The following SNX14 variants were observed in gnomAD, a reference collection of about 807,000 sequenced individuals.
The protein encoded by SNX14 is sorting nexin 14, also known as sorting nexin-14.
SNX14 carries 93 observed loss-of-function variants against 133.8 expected under a neutral mutation model. The observed-to-expected ratio is 0.70, with a 90% confidence interval of 0.59 to 0.83. SNX14 has a LOEUF of 0.83. Ranked by LOEUF, SNX14 falls within the 40% of genes least tolerant of loss-of-function variation. SNX14 has a pLI of 0.00. For missense variants in SNX14, 945 were observed against 1,094.9 expected (o/e 0.86, Z 1.93); for synonymous variants, 368 against 365.6 (o/e 1.01, Z -0.07).
At chr6:85,508,213 T>C in intron 26 of SNX14, 154 bp from the exon 27 acceptor site, 1 of 1,321,212 alleles carries the variant, frequency 7.6e-7, no homozygotes, top group East Asian at 2.8e-5. Flanking sequence ...AAGAGGCTCC[T>C]GGATAAGAGG....
At chr6:85,534,260 G>A (rs1448977092) in intron 17 of SNX14, among the ~76,000 whole-genome samples, 1 of 152,208 alleles carries the variant, frequency 6.6e-6, no homozygotes. Context: ...GAGGTCAGGA[G>A]TTCAAGATAA....
intron 1 of SNX14, among the ~76,000 whole-genome samples, chr6:85,575,031 A>T (rs1209292303): frequency 6.6e-6 from 1 of 152,208 alleles, no homozygotes; most frequent in African/African-American, 2.4e-5. Context: ...GATAGGATAG[A>T]GGTATGGGAG....
intron 15 of SNX14, among the ~76,000 whole-genome samples, chr6:85,539,798 C>A (rs905649506): frequency 5.3e-5 from 8 of 151,868 alleles, no homozygotes; most frequent in Admixed American, 2.6e-4. Context: ...CCCATATAAC[C>A]TGTCTTTTTT....
Position 85,593,819 on chromosome 6 carries a change from C to T in SNX14, c.-101G>A. Reference sequence around the variant, plus strand: ...TCCCCGCCCCACCGACTTGGCGGCGCACACAGACGCCTACCGGCAGTTAGC... The same window carrying T: ...TCCCCGCCCCACCGACTTGGCGGCGTACACAGACGCCTACCGGCAGTTAGC... On this transcript the variant is annotated 5_prime_UTR_variant, in exon 1 of 29. Coordinates refer to ENST00000314673, the MANE Select transcript of SNX14 (RefSeq NM_153816.6). The T allele has an allele frequency of 1.3e-6, 2 of 1,565,112 alleles. No individual in the cohort carries two copies. Among genetic ancestry groups the T allele is most frequent in the African/African-American group, 1.4e-5 (1 of 72,774 alleles).
At chr6:85,512,104 G>A (rs1773050328) in intron 26 of SNX14, among the ~76,000 whole-genome samples, 1 of 152,180 alleles carries the variant, frequency 6.6e-6, no homozygotes, top group South Asian at 2.1e-4. Context: ...CTTCTTCCAT[G>A]TGGAAGGCCA....
Position 85,505,860 on chromosome 6 carries a change from G to GACAGCGA in SNX14, c.*100_*106dup, listed in dbSNP as rs1363911874. The GACAGCGA allele has an allele frequency of 4.2e-6, 3 of 714,138 alleles. No homozygotes were observed. Among genetic ancestry groups the GACAGCGA allele is most frequent in the Admixed American group, 2.8e-5 (1 of 35,896 alleles). 44.2% of individuals were successfully genotyped at this position (714,138 alleles called of 1,614,324 possible). On this transcript the variant is annotated 3_prime_UTR_variant, in exon 29 of 29. Coordinates refer to ENST00000314673, the MANE Select transcript of SNX14 (RefSeq NM_153816.6). ...AAAACAAAAAATAACTAAAATTTCAGACAGCGATGTACATAATATATATAA... is the reference window on the plus strand; with the variant it reads ...AAAACAAAAAATAACTAAAATTTCAGACAGCGAACAGCGATGTACATAATATATATAA...
chr6:85,535,805 C>T (rs1401456990), intron 17 of SNX14, among the ~76,000 whole-genome samples: 1 of 152,024 alleles, frequency 6.6e-6, no homozygotes, highest in Non-Finnish European at 1.5e-5. Context: ...AGGGTTTACT[C>T]CTGTCACCCC....
At chr6:85,533,569 T>C (rs1297039855) in intron 18 of SNX14, 30 bp downstream of exon 18, 5 of 1,600,882 alleles carry the variant, frequency 3.1e-6, no homozygotes, top group Non-Finnish European at 4.3e-6. Flanking sequence ...ATGGGCATCT[T>C]TTAAGAAAGG....
chr6:85,565,037 G>A (rs551973106), intron 6 of SNX14, among the ~76,000 whole-genome samples: 2 of 151,560 alleles, frequency 1.3e-5, no homozygotes, highest in Non-Finnish European at 2.9e-5. Context: ...GATACACTTA[G>A]AAAGAGTAAG....
intron 14 of SNX14, 84 bp from the exon 15 acceptor site, chr6:85,542,127 T>C (rs2128064484): frequency 1.1e-6 from 1 of 950,920 alleles, no homozygotes; most frequent in Admixed American, 3.4e-5. Flanking sequence ...TACTTTCCAG[T>C]TTTGGGAAAA....
At position 85,574,758 on chromosome 6, in the gene SNX14, G is replaced by A. The variant is rs566460731; in HGVS notation, c.141-380C>T. 2.0e-4 allele frequency among the ~76,000 whole-genome samples: 31 copies of A among 152,214 alleles called. 1 individual carries two copies. In the South Asian group the frequency reaches 5.8e-3, roughly 29 times the overall value. ...AGTACCTATTTTGTTATAGACAGAG[G>A]TAGGCCCTGGGAATACAGTGAGGAA... On this transcript the variant is annotated intron_variant, in intron 1 of 28. Transcript: ENST00000314673.
chr6:85,588,743 A>C (rs1189154813), intron 1 of SNX14: 1 of 342,466 alleles, frequency 2.9e-6, no homozygotes, highest in Non-Finnish European at 5.9e-6. Flanking sequence ...TTACCAATAC[A>C]GTAATAGTTG....
In SNX14 at chr6:85,583,601, C is replaced by T. The variant is rs1056722064; in HGVS notation, c.141-9223G>A. ...CAAAAATCACAAGCATTACTATACA[C>T]CAATAACAGACTAACAGTCAAATCA... is the stretch of plus-strand genomic sequence containing the variant. On this transcript the variant is annotated intron_variant, in intron 1 of 28. Coordinates refer to ENST00000314673, the MANE Select transcript of SNX14 (RefSeq NM_153816.6). 2.6e-5 allele frequency among the ~76,000 whole-genome samples: 4 copies of T among 152,134 alleles called. No homozygotes were observed. In the East Asian group the frequency reaches 7.7e-4, roughly 29 times the overall value.
chr6:85,583,347 A>T lies in SNX14; in HGVS notation c.141-8969T>A, dbSNP rs576616165. ...TTCCCTTTGAAAACTGACACAACAC[A>T]AGGATCCCCTCTCTCACCACTCCTA... is the stretch of plus-strand genomic sequence containing the variant. On this transcript the variant is annotated intron_variant, in intron 1 of 28. Transcript: ENST00000314673. Among the ~76,000 whole-genome samples, 3 of 152,298 alleles carry T rather than the reference A, an allele frequency of 2.0e-5. No individual in the cohort carries two copies. In the South Asian group the frequency reaches 6.2e-4, roughly 32 times the overall value.
intron 6 of SNX14, among the ~76,000 whole-genome samples, chr6:85,564,048 T>C (rs1402884464): frequency 6.6e-6 from 1 of 152,168 alleles, no homozygotes; most frequent in African/African-American, 2.4e-5. Flanking sequence ...CATGATAGTT[T>C]GCTGAGAATG....
intron 1 of SNX14, among the ~76,000 whole-genome samples, chr6:85,588,200 T>C (rs1801582930): frequency 6.6e-6 from 1 of 152,064 alleles, no homozygotes; most frequent in Non-Finnish European, 1.5e-5. Context: ...GGAGGACTGC[T>C]TGAGCCCATG....
rs904882941 is a variant in SNX14, at chr6:85,521,174, A to C, written c.2108-3126T>G. 2.0e-5 allele frequency among the ~76,000 whole-genome samples: 3 copies of C among 152,266 alleles called. No homozygotes were observed. The South Asian group carries it at 6.2e-4, about 32-fold the overall frequency. ...TCTAATTTGAGTTTCCCTATTAATA[A>C]AATTAGGCACCTTTCCATGTATTTA... is the stretch of plus-strand genomic sequence containing the variant. On this transcript the variant is annotated intron_variant, in intron 21 of 28. Coordinates refer to ENST00000314673, the MANE Select transcript of SNX14 (RefSeq NM_153816.6).
chr6:85,559,541 A>T (rs982246564), intron 6 of SNX14, among the ~76,000 whole-genome samples: 2 of 152,208 alleles, frequency 1.3e-5, no homozygotes, highest in African/African-American at 4.8e-5. Context: ...TACATTATGC[A>T]GGCAACAGAA....
Position 85,565,378 on chromosome 6 carries a change from A to T in SNX14, c.503T>A (p.Ile168Lys), listed in dbSNP as rs1458277097. The T allele has an allele frequency of 1.2e-6, 2 of 1,604,734 alleles. No homozygotes were observed. The highest frequency in any genetic ancestry group is 1.7e-4 in the Middle Eastern group (1 of 6,024). ...GACAGATGCAAAAAAACGTAATGTT[A>T]TTCTCAGTTCATCAACAAAGGATTC... ...DDESFVDELR[I>K]TLRFFASVLI... Residue 168 changes from isoleucine (I) to lysine (K), a missense_variant, in exon 6 of 29, where the codon ATA (isoleucine) becomes AAA (lysine). By Grantham distance (102) the Ile-to-Lys change is moderately radical (BLOSUM62 -3). Around this residue, in one of 3 missense-constraint regions of SNX14, gnomAD observed 514 missense variants for 538.8 expected, o/e 0.95. Transcript: ENST00000314673.
Sources: allele counts gnomAD v4.1 joint callset (sites outside exome capture counted in the v4.1 genomes callset), GRCh38; gene constraint gnomAD v4.1.1; regional missense constraint gnomAD v4.1.1; transcripts MANE v1.5; gene names NCBI Gene and HGNC (gene_info 2026-07-23, HGNC 2026-07-21).